MYZAP: variants seen among roughly 807,000 people sequenced by gnomAD.
The protein encoded by MYZAP is myocardial zonula adherens protein.
In MYZAP, 66 loss-of-function variants were observed where a neutral mutation model predicts 69.4. That is an observed-to-expected ratio of 0.95 (90% CI 0.78 to 1.17). The LOEUF (loss-of-function observed/expected upper bound fraction) is 1.17, where lower values mean the gene tolerates loss of function less well. Ranked by LOEUF, MYZAP falls within the 50% of genes most tolerant of loss-of-function variation. The pLI is 0.00. For synonymous variants in MYZAP, 256 were observed against 205.9 expected, an observed-to-expected ratio of 1.24 and a Z score of -2.09; for missense variants, 611 against 556.2, an observed-to-expected ratio of 1.10 and a Z score of -0.99.
chr15:57,668,813 A>G (rs1224026290), intron 11 of MYZAP, among the ~76,000 whole-genome samples: 3 of 151,400 alleles, frequency 2.0e-5, no homozygotes, highest in Non-Finnish European at 2.9e-5. Flanking sequence ...TGTATGTGCT[A>G]TGAACATTTT....
intron 2 of MYZAP, among the ~76,000 whole-genome samples, chr15:57,608,898 TCA>T (rs2034927653): frequency 6.6e-6 from 1 of 152,276 alleles, no homozygotes; most frequent in African/African-American, 2.4e-5. Context: ...CTGCCATGTC[TCA>T]GTTTATCTAA....
At chr15:57,670,746 G>A (rs2038829764) in intron 11 of MYZAP, among the ~76,000 whole-genome samples, 2 of 151,656 alleles carry the variant, frequency 1.3e-5, no homozygotes, top group Non-Finnish European at 2.9e-5. Flanking sequence ...TTATCCATTG[G>A]CATTTTTGCT....
intron 11 of MYZAP, among the ~76,000 whole-genome samples, chr15:57,669,617 T>A (rs12440250): frequency 2.6e-5 from 4 of 152,146 alleles, no homozygotes; most frequent in East Asian, 1.9e-4. Flanking sequence ...TCTCCATTGC[T>A]TGTCTGCTTT....
At chr15:57,677,205 T>C (rs1473890299) in intron 12 of MYZAP, among the ~76,000 whole-genome samples, 2 of 152,010 alleles carry the variant, frequency 1.3e-5, no homozygotes, top group African/African-American at 2.4e-5. Flanking sequence ...ATGAGGAGGG[T>C]TAGTGAGCGG....
intron 11 of MYZAP, among the ~76,000 whole-genome samples, chr15:57,669,881 A>G (rs1331893732): frequency 6.6e-6 from 1 of 151,834 alleles, no homozygotes; most frequent in African/African-American, 2.4e-5. Flanking sequence ...TTCCCTTGAG[A>G]TTTTTCTTTG....
chr15:57,613,571 A>G (rs1306358186), intron 2 of MYZAP, among the ~76,000 whole-genome samples: 6 of 151,250 alleles, frequency 4.0e-5, no homozygotes, highest in Non-Finnish European at 5.9e-5. Flanking sequence ...GATTTTTACC[A>G]TGTTGCCCAG....
intron 8 of MYZAP, 57 bp downstream of exon 8, chr15:57,633,798 A>G: frequency 7.0e-7 from 1 of 1,419,684 alleles, no homozygotes; most frequent in Non-Finnish European, 9.3e-7. Flanking sequence ...CTGTAGGTCC[A>G]TCTGAGATAC....
intron 10 of MYZAP, among the ~76,000 whole-genome samples, chr15:57,660,724 A>C (rs894676296): frequency 6.6e-6 from 1 of 152,238 alleles, no homozygotes; most frequent in Non-Finnish European, 1.5e-5. Context: ...ACTATTATGC[A>C]TAACACGGCC....
intron 1 of MYZAP, among the ~76,000 whole-genome samples, chr15:57,603,105 C>A (rs1785484519): frequency 6.6e-6 from 1 of 152,050 alleles, no homozygotes; most frequent in African/African-American, 2.4e-5. Context: ...ATTTAGGAAC[C>A]TTTATCCGAT....
intron 3 of MYZAP, among the ~76,000 whole-genome samples, chr15:57,621,205 C>CTTTTTTTTTTTTT (rs61201214): frequency 8.8e-4 from 112 of 127,268 alleles, no homozygotes; most frequent in Middle Eastern, 4.5e-3. Flanking sequence ...CTTTCTTTTT[C>CTTTTTTTTTTTTT]TTTTTTTTTT....
At chr15:57,624,529 C>T (rs2036008754) in intron 4 of MYZAP, among the ~76,000 whole-genome samples, 2 of 152,208 alleles carry the variant, frequency 1.3e-5, no homozygotes, top group Admixed American at 1.3e-4. Context: ...GTGAAATTCT[C>T]ACCTGCTTAT....
At chr15:57,605,308 A>C (rs145386837) in intron 2 of MYZAP, among the ~76,000 whole-genome samples, 6 of 152,176 alleles carry the variant, frequency 3.9e-5, no homozygotes, top group African/African-American at 1.4e-4. Flanking sequence ...AAAGTAAAAG[A>C]AGGGGTAGGG....
In MYZAP at chr15:57,639,203, T is replaced by G. The variant is rs187184868; in HGVS notation, c.1014-237T>G. ...CCCCAAAAGATACATGTTTTCTATT[T>G]TTATTTATTTATTTTTTTTTTTTGT... On this transcript the variant is annotated intron_variant, in intron 9 of 12. Coordinates refer to ENST00000267853, the MANE Select transcript of MYZAP (RefSeq NM_001018100.5). Among the ~76,000 whole-genome samples the G allele has an allele frequency of 4.8e-3, 686 of 141,702 alleles. 3 individuals are homozygous for G. The highest frequency in any genetic ancestry group is 8.1e-3 in the Admixed American group (120 of 14,766). 93.0% of individuals were successfully genotyped at this position (141,702 alleles called of 152,430 possible).
At chr15:57,599,493 G>C (rs1483801639) in intron 1 of MYZAP, 1 of 1,198,886 alleles carries the variant, frequency 8.3e-7, no homozygotes, top group Non-Finnish European at 1.1e-6. Flanking sequence ...CTTGCCCCCA[G>C]GGACAGCTGG....
rs1379271716 is a variant in MYZAP at position 57,684,410 on chromosome 15, G to T, written c.1313G>T (p.Gly438Val). 2 of 1,612,224 alleles carry T rather than the reference G, an allele frequency of 1.2e-6. No homozygotes were observed. The highest frequency in any genetic ancestry group is 1.7e-4 in the Middle Eastern group (1 of 6,060). ...ATTTTCTCATTTCTCAGCCAAACAG[G>T]CAGGACTCGTGAAATTGTGATGCCT... is the stretch of plus-strand genomic sequence containing the variant. ...VGCDLLPSQT[G>V]RTREIVMPSR... The change falls in exon 13 of 13, where the codon GGC becomes GTC. Residue 438 changes from glycine (G) to valine (V), a missense_variant. Gly to Val is a moderately radical substitution (Grantham distance 109, BLOSUM62 -3). Coordinates refer to ENST00000267853, the MANE Select transcript of MYZAP (RefSeq NM_001018100.5).
chr15:57,651,000 A>G (rs1245398757), intron 10 of MYZAP, among the ~76,000 whole-genome samples: 1 of 152,204 alleles, frequency 6.6e-6, no homozygotes, highest in African/African-American at 2.4e-5. Context: ...CACTCTGCTC[A>G]TAATTCCTCA....
At chr15:57,592,803 G>A (rs2033767648) in intron 1 of MYZAP, among the ~76,000 whole-genome samples, 2 of 152,154 alleles carry the variant, frequency 1.3e-5, no homozygotes, top group African/African-American at 4.8e-5. Context: ...TAAAAGAAAT[G>A]CTCCATCTTT....
chr15:57,596,858 C>G (rs528535254), intron 1 of MYZAP, among the ~76,000 whole-genome samples: 2 of 152,282 alleles, frequency 1.3e-5, no homozygotes, highest in East Asian at 3.9e-4. Flanking sequence ...GAAGCCTGCC[C>G]TGAAACCTCA....
intron 10 of MYZAP, among the ~76,000 whole-genome samples, chr15:57,653,505 T>C (rs1224087105): frequency 6.6e-6 from 1 of 152,202 alleles, no homozygotes; most frequent in Non-Finnish European, 1.5e-5. Context: ...TTAATGTGGA[T>C]TTAAAATACT....
Sources: gnomAD v4.1 joint callset for allele counts (sites outside exome capture counted in the v4.1 genomes callset) on GRCh38, gnomAD v4.1.1 for gene constraint, MANE v1.5 for transcripts, NCBI Gene and HGNC (gene_info 2026-07-23, HGNC 2026-07-21) for gene names.